TEAD1: variants seen among roughly 807,000 people sequenced by gnomAD.
The protein encoded by TEAD1 is TEA domain transcription factor 1, also known as transcriptional enhancer factor TEF-1.
Under a neutral mutation model 54.9 loss-of-function variants are expected in TEAD1, and 9 were observed. The observed-to-expected ratio is 0.16, with a 90% confidence interval of 0.10 to 0.29. The LOEUF is 0.29. Among genes scored for constraint, TEAD1 ranks in the 10% least tolerant of loss-of-function variants. TEAD1 has a pLI of 1.00. For missense variants in TEAD1, 387 were observed against 535.9 expected, an observed-to-expected ratio of 0.72 and a Z score of 2.74; for synonymous variants, 200 against 187.8, an observed-to-expected ratio of 1.07 and a Z score of -0.53.
intron 3 of TEAD1, among the ~76,000 whole-genome samples, chr11:12,824,318 G>A (rs1454760122): frequency 6.6e-6 from 1 of 152,280 alleles, no homozygotes. Flanking sequence ...AAGTGTGTAC[G>A]CAGTAGTTAT....
intron 8 of TEAD1, among the ~76,000 whole-genome samples, 170 bp downstream of exon 8, chr11:12,882,127 C>G (rs970547953): frequency 6.6e-6 from 1 of 152,136 alleles, no homozygotes; most frequent in South Asian, 2.1e-4. Flanking sequence ...CACAGGGTCC[C>G]GATTCCCATC....
chr11:12,819,440 G>A (rs1050500900), intron 3 of TEAD1, among the ~76,000 whole-genome samples: 15 of 151,928 alleles, frequency 9.9e-5, no homozygotes, highest in African/African-American at 1.5e-4. Context: ...TGTGTTTCAC[G>A]GTAACAAAGT....
chr11:12,698,598 G>C (rs2133835006), intron 2 of TEAD1, among the ~76,000 whole-genome samples: 1 of 151,918 alleles, frequency 6.6e-6, no homozygotes, highest in African/African-American at 2.4e-5. Flanking sequence ...GGGTGATTGA[G>C]TGCTCTGAAA....
intron 2 of TEAD1, among the ~76,000 whole-genome samples, chr11:12,717,510 C>T (rs926895700): frequency 2.8e-4 from 43 of 152,156 alleles, no homozygotes; most frequent in African/African-American, 8.7e-4. Flanking sequence ...TTCATTCTTG[C>T]CGCATGCTGG....
intron 2 of TEAD1, among the ~76,000 whole-genome samples, chr11:12,743,813 G>A (rs546089498): frequency 1.3e-5 from 2 of 152,336 alleles, no homozygotes; most frequent in Admixed American, 1.3e-4. Flanking sequence ...CATTGGCACA[G>A]TAGAAACTAC....
intron 3 of TEAD1, among the ~76,000 whole-genome samples, chr11:12,815,249 C>T (rs1387667808): frequency 6.6e-6 from 1 of 152,118 alleles, no homozygotes; most frequent in Non-Finnish European, 1.5e-5. Context: ...TTCCCTCCCT[C>T]CCATCCTCCC....
chr11:12,753,791 TCCTTTAAA>T (rs1051714046), intron 2 of TEAD1, among the ~76,000 whole-genome samples: 2 of 152,230 alleles, frequency 1.3e-5, no homozygotes, highest in African/African-American at 4.8e-5. Context: ...GCTTTTGTGT[TCCTTTAAA>T]GTATCCTCGA....
At chr11:12,683,807 T>C (rs1943275445) in intron 2 of TEAD1, among the ~76,000 whole-genome samples, 1 of 152,168 alleles carries the variant, frequency 6.6e-6, no homozygotes, top group Non-Finnish European at 1.5e-5. Flanking sequence ...GTGGGCTGTT[T>C]CCTGATTTTG....
intron 3 of TEAD1, among the ~76,000 whole-genome samples, chr11:12,834,606 G>T (rs568400180): frequency 1.3e-5 from 2 of 151,188 alleles, no homozygotes; most frequent in Non-Finnish European, 2.9e-5. Context: ...ACCAATTAAA[G>T]ATATTTTTTG....
chr11:12,693,189 C>T (rs1178103237), intron 2 of TEAD1, among the ~76,000 whole-genome samples: 3 of 152,198 alleles, frequency 2.0e-5, no homozygotes, highest in African/African-American at 2.4e-5. Flanking sequence ...TAAAGAACTT[C>T]GCTTTTAAGT....
At chr11:12,763,965 C>CAGT (rs1453074260) in intron 2 of TEAD1, among the ~76,000 whole-genome samples, 1 of 152,138 alleles carries the variant, frequency 6.6e-6, no homozygotes, top group Non-Finnish European at 1.5e-5. Context: ...CCATATTCTC[C>CAGT]AGTAGGAGTT....
At chr11:12,766,269 T>C (rs1282886490) in intron 3 of TEAD1, among the ~76,000 whole-genome samples, 1 of 152,238 alleles carries the variant, frequency 6.6e-6, no homozygotes, top group African/African-American at 2.4e-5. Flanking sequence ...TTGTTCTCCA[T>C]TGAGATTTTA....
intron 3 of TEAD1, among the ~76,000 whole-genome samples, chr11:12,789,823 C>T (rs758835727): frequency 6.6e-6 from 1 of 152,218 alleles, no homozygotes; most frequent in Non-Finnish European, 1.5e-5. Flanking sequence ...CGAGTTGGGC[C>T]TGCCTGAGTC....
At chr11:12,829,244 A>G (rs1946721217) in intron 3 of TEAD1, among the ~76,000 whole-genome samples, 1 of 152,286 alleles carries the variant, frequency 6.6e-6, no homozygotes, top group Non-Finnish European at 1.5e-5. Context: ...GAATTCTCAG[A>G]GCTTTCCGTG....
At chr11:12,709,756 T>TTAA (rs1347398051) in intron 2 of TEAD1, among the ~76,000 whole-genome samples, 1 of 152,138 alleles carries the variant, frequency 6.6e-6, no homozygotes, top group African/African-American at 2.4e-5. Flanking sequence ...CTCCTGGTCG[T>TTAA]TAACCCAAGT....
intron 2 of TEAD1, among the ~76,000 whole-genome samples, chr11:12,716,865 G>C (rs1944074331): frequency 6.6e-6 from 1 of 152,234 alleles, no homozygotes; most frequent in Non-Finnish European, 1.5e-5. Context: ...GTCATCAGCA[G>C]AGAACATTAC....
intron 3 of TEAD1, among the ~76,000 whole-genome samples, chr11:12,772,076 T>C (rs1945323039): frequency 1.3e-5 from 2 of 152,170 alleles, no homozygotes; most frequent in Admixed American, 1.3e-4. Flanking sequence ...ACCACATTTT[T>C]AGAGTGATAA....
intron 3 of TEAD1, among the ~76,000 whole-genome samples, chr11:12,771,406 C>T (rs964192690): frequency 6.6e-6 from 1 of 152,174 alleles, no homozygotes; most frequent in Non-Finnish European, 1.5e-5. Context: ...CTGAGGCCTG[C>T]ACTAGGATGC....
chr11:12,727,540 T>C (rs1304518903), intron 2 of TEAD1, among the ~76,000 whole-genome samples: 1 of 152,200 alleles, frequency 6.6e-6, no homozygotes, highest in Non-Finnish European at 1.5e-5. Flanking sequence ...TTTAAAAATA[T>C]TAAGTATGAA....
Sources: gnomAD v4.1 joint callset for allele counts (sites outside exome capture counted in the v4.1 genomes callset) on GRCh38, gnomAD v4.1.1 for gene constraint, MANE v1.5 for transcripts, NCBI Gene and HGNC (gene_info 2026-07-23, HGNC 2026-07-21) for gene names.